DNAH5: variants seen among roughly 807,000 people sequenced by gnomAD.
DNAH5 encodes dynein axonemal heavy chain 5.
Under a neutral mutation model 518.2 loss-of-function variants are expected in DNAH5, and 372 were observed. The ratio of observed to expected loss-of-function variants is 0.72; its 90% CI spans 0.66 to 0.78. The LOEUF (loss-of-function observed/expected upper bound fraction) is 0.78. Among genes scored for constraint, DNAH5 ranks in the 30% least tolerant of loss-of-function variants. DNAH5 has a pLI of 0.00. For synonymous variants in DNAH5, 2,039 were observed against 2,025.9 expected, an observed-to-expected ratio of 1.01 and a Z score of -0.17; for missense variants, 5,523 against 5,687.0, an observed-to-expected ratio of 0.97 and a Z score of 0.93.
Position 13,912,694 on chromosome 5 carries a change from T to C in DNAH5, c.1536+1049A>G, listed in dbSNP as rs1181352330. On this transcript the variant is annotated intron_variant, in intron 11 of 78. Coordinates refer to ENST00000265104, the MANE Select transcript of DNAH5 (RefSeq NM_001369.3). Reference sequence around the variant, plus strand: ...CATATATAGTGTTATATAAATTGTCTAAAACAAGTATGGAAAAGCTACTAC... The same window carrying C: ...CATATATAGTGTTATATAAATTGTCCAAAACAAGTATGGAAAAGCTACTAC... 4.6e-5 allele frequency among the ~76,000 whole-genome samples: 7 copies of C among 151,752 alleles called. No homozygotes were observed. In the East Asian group the frequency reaches 1.4e-3, roughly 30 times the overall value.
Position 13,753,333 on chromosome 5 carries a change from C to A in DNAH5, c.10772G>T (p.Gly3591Val). 1 of 1,613,904 alleles carries A rather than the reference C, an allele frequency of 6.2e-7. No homozygotes were observed. Among genetic ancestry groups the A allele is most frequent in the South Asian group, 1.1e-5 (1 of 91,070 alleles). The stretch of plus-strand genomic sequence containing the variant: ...ACGAGATGCCTTCGTGACAATAATT[C>A]CATTTTGAATGGACAAGTCATCATT... ...LPNDDLSIQNGIIVTKASRYP... is the reference protein window; with the variant it reads ...LPNDDLSIQNVIIVTKASRYP... Residue 3591 changes from glycine to valine, a missense_variant, in exon 63 of 79, where the codon GGA becomes GTA. Gly to Val is a moderately radical substitution (Grantham distance 109). Coordinates refer to ENST00000265104, the MANE Select transcript of DNAH5 (RefSeq NM_001369.3).
intron 78 of DNAH5, among the ~76,000 whole-genome samples, chr5:13,692,653 T>C (rs908852433): frequency 2.0e-5 from 3 of 152,170 alleles, no homozygotes; most frequent in Non-Finnish European, 4.4e-5. Flanking sequence ...TCTCCATATA[T>C]GTAGAGAAAT....
At chr5:13,720,661 T>C (rs935041678) in intron 71 of DNAH5, among the ~76,000 whole-genome samples, 6 of 152,128 alleles carry the variant, frequency 3.9e-5, no homozygotes, top group East Asian at 3.9e-4. Context: ...TTGTGAGGCA[T>C]TGCACCCAGG....
At chr5:13,734,906 T>C (rs548210574) in intron 68 of DNAH5, among the ~76,000 whole-genome samples, 11 of 152,262 alleles carry the variant, frequency 7.2e-5, no homozygotes, top group Admixed American at 3.3e-4. Context: ...TTTTCAAGGG[T>C]TTTTGTTCAC....
At position 13,767,603 on chromosome 5, in the gene DNAH5, T is replaced by C. The variant is rs574672515; in HGVS notation, c.9897+1357A>G. ...AAGTAGGGTAGGGTCAAATTAAAGT[T>C]ATATAAAATGTAAGGGCTAGGCATG... On this transcript the variant is annotated intron_variant, in intron 58 of 78. Transcript: ENST00000265104. 2.7e-4 allele frequency among the ~76,000 whole-genome samples: 41 copies of C among 152,306 alleles called. 1 individual carries two copies. The South Asian group carries it at 8.5e-3, about 32-fold the overall frequency.
chr5:13,817,769 T>C lies in DNAH5; in HGVS notation c.6842-75A>G, dbSNP rs1333412395. 2.1e-6 allele frequency: 3 copies of C among 1,426,450 alleles called. No homozygotes were observed. The African/African-American group carries it at 4.2e-5, about 20-fold the overall frequency. 88.4% of individuals were successfully genotyped at this position (1,426,450 alleles called of 1,614,324 possible). ...ATCATTAAGCAACATTGCACTAATTTGTGGTGTACTGTCAGCAGGTGCTCA... is the reference window on the plus strand; with the variant it reads ...ATCATTAAGCAACATTGCACTAATTCGTGGTGTACTGTCAGCAGGTGCTCA... On this transcript the variant is annotated intron_variant, in intron 41 of 78. Transcript: ENST00000265104.
At chr5:13,819,290 A>G (rs1580408153) in intron 41 of DNAH5, among the ~76,000 whole-genome samples, 1 of 152,320 alleles carries the variant, frequency 6.6e-6, no homozygotes, top group African/African-American at 2.4e-5. Context: ...GGAGTGGTCC[A>G]TTTTGGTAGA....
intron 25 of DNAH5, among the ~76,000 whole-genome samples, chr5:13,867,023 G>T (rs529336721): frequency 2.0e-5 from 3 of 152,280 alleles, no homozygotes; most frequent in Admixed American, 2.0e-4. Context: ...CCCGGCAATT[G>T]CTGAGCTCTG....
At chr5:13,799,514 G>A (rs1350439418) in intron 47 of DNAH5, among the ~76,000 whole-genome samples, 1 of 152,122 alleles carries the variant, frequency 6.6e-6, no homozygotes, top group East Asian at 1.9e-4. Flanking sequence ...AGCTATACAT[G>A]TCATAAAAGA....
chr5:13,806,642 T>A (rs1160418765), intron 47 of DNAH5, among the ~76,000 whole-genome samples: 1 of 152,214 alleles, frequency 6.6e-6, no homozygotes, highest in Non-Finnish European at 1.5e-5. Flanking sequence ...ATTAATGTTC[T>A]AATAAAAATA....
chr5:13,781,605 G>A (rs543014547), intron 52 of DNAH5, among the ~76,000 whole-genome samples: 3 of 152,074 alleles, frequency 2.0e-5, no homozygotes, highest in East Asian at 3.9e-4. Flanking sequence ...GAGATCTGAT[G>A]GTTTTATCAG....
At chr5:13,754,464 G>GA in intron 61 of DNAH5, 126 bp from the exon 62 acceptor site, 1 of 1,055,980 alleles carries the variant, frequency 9.5e-7, no homozygotes, top group Non-Finnish European at 1.5e-6. Flanking sequence ...TACTTCACAA[G>GA]AAGCATGAGA....
At position 13,766,044 on chromosome 5, in the gene DNAH5, A is replaced by G. The variant is rs1752470741; in HGVS notation, c.10033T>C (p.Cys3345Arg). 6.2e-7 allele frequency: 1 copy of G among 1,614,108 alleles called. No individual in the cohort carries two copies. The stretch of plus-strand genomic sequence containing the variant: ...GATTCCTGCCAGGAGGGCATGGTAC[A>G]GCTTTTTTCCAGGTCAATTTTCACA... ...SAVKIDLEKS[C>R]TMPSWQESLK... is the part of the protein sequence containing the mutation. Residue 3345 changes from cysteine to arginine, a missense_variant, in exon 59 of 79, where the codon TGT becomes CGT. Physicochemically the swap from Cys to Arg is radical, Grantham distance 180. Coordinates refer to ENST00000265104, the MANE Select transcript of DNAH5 (RefSeq NM_001369.3).
At chr5:13,765,905 T>C in intron 59 of DNAH5, 71 bp downstream of exon 59, 3 of 1,447,424 alleles carry the variant, frequency 2.1e-6, no homozygotes, top group South Asian at 1.1e-5. Context: ...TAGAAACTTA[T>C]TCTACGAAAA....
chr5:13,704,095 G>A (rs896996849), intron 76 of DNAH5, among the ~76,000 whole-genome samples: 1 of 152,172 alleles, frequency 6.6e-6, no homozygotes, highest in Non-Finnish European at 1.5e-5. Flanking sequence ...AGCTGGTGAG[G>A]GGCATAAGGA....
At chr5:13,946,718 A>G (rs1480747425), upstream of DNAH5, among the ~76,000 whole-genome samples, 1 of 152,208 alleles carries the variant, frequency 6.6e-6, no homozygotes, top group East Asian at 1.9e-4. Flanking sequence ...TCATACACAA[A>G]TCCTGTCAGA....
chr5:13,792,319 T>G, intron 49 of DNAH5, 102 bp from the exon 50 acceptor site: 2 of 890,114 alleles, frequency 2.2e-6, no homozygotes, highest in South Asian at 2.9e-5. Flanking sequence ...TCATTATACA[T>G]TTTAATAGAT....
At chr5:13,997,430 T>C (rs960098316) in intron 1 of DNAH5, among the ~76,000 whole-genome samples, 1 of 152,196 alleles carries the variant, frequency 6.6e-6, no homozygotes, top group African/African-American at 2.4e-5. Flanking sequence ...AACATATTCC[T>C]CATTTCCATC....
intron 1 of DNAH5, among the ~76,000 whole-genome samples, chr5:13,967,737 G>C (rs930912474): frequency 9.9e-5 from 15 of 150,902 alleles, no homozygotes; most frequent in African/African-American, 3.6e-4. Flanking sequence ...GAGGAATGAT[G>C]GTGGTATTTT....
Sources: gnomAD v4.1 joint callset for allele counts (sites outside exome capture counted in the v4.1 genomes callset) on GRCh38, gnomAD v4.1.1 for gene constraint, MANE v1.5 for transcripts, NCBI Gene and HGNC (gene_info 2026-07-23, HGNC 2026-07-21) for gene names.